The following ADGRB3 variants were observed in gnomAD, a reference collection of about 807,000 sequenced individuals.
ADGRB3 encodes the protein adhesion G protein-coupled receptor B3.
A neutral mutation model predicts 193.4 loss-of-function variants in ADGRB3; 37 were observed. The ratio of observed to expected loss-of-function variants is 0.19; its 90% CI spans 0.15 to 0.25. ADGRB3 has a LOEUF of 0.25. Among genes scored for constraint, ADGRB3 ranks in the 10% least tolerant of loss-of-function variants. The pLI, the probability that ADGRB3 is intolerant of heterozygous loss-of-function variation, is 1.00. For synonymous variants in ADGRB3, 690 were observed against 644.2 expected (o/e 1.07, Z -1.08); for missense variants, 1,637 against 1,852.9 (o/e 0.88, Z 2.14).
At chr6:68,804,866 A>G (rs780871754) in intron 3 of ADGRB3, among the ~76,000 whole-genome samples, 3 of 151,950 alleles carry the variant, frequency 2.0e-5, no homozygotes, top group Non-Finnish European at 2.9e-5. Flanking sequence ...CCATTTTTTC[A>G]TATTTCATGG....
intron 3 of ADGRB3, among the ~76,000 whole-genome samples, chr6:68,697,158 A>G (rs1010971989): frequency 6.6e-6 from 1 of 152,020 alleles, no homozygotes; most frequent in South Asian, 2.1e-4. Flanking sequence ...AATAAGTTTT[A>G]CACTGTTCTC....
At chr6:69,013,909 T>A (rs1770014531) in intron 11 of ADGRB3, 129 bp from the exon 12 acceptor site, 1 of 484,398 alleles carries the variant, frequency 2.1e-6, no homozygotes, top group Non-Finnish European at 3.7e-6. Flanking sequence ...TCTAGAATAC[T>A]ATGTTAGGGT....
intron 3 of ADGRB3, among the ~76,000 whole-genome samples, chr6:68,803,560 A>C (rs1767350230): frequency 6.6e-6 from 1 of 152,024 alleles, no homozygotes. Context: ...TTCCCTTCCC[A>C]ATCTAGACTT....
intron 16 of ADGRB3, among the ~76,000 whole-genome samples, chr6:69,065,866 A>G (rs2150309136): frequency 6.6e-6 from 1 of 152,036 alleles, no homozygotes. Flanking sequence ...CAGATCAAAA[A>G]TATTTGGAAA....
Position 69,061,094 on chromosome 6 carries a change from C to T in ADGRB3, c.2334-1840C>T, listed in dbSNP as rs540663218. Among the ~76,000 whole-genome samples, 9 of 151,686 alleles carry T rather than the reference C, an allele frequency of 5.9e-5. No homozygotes were observed. In the South Asian group the frequency reaches 1.2e-3, roughly 21 times the overall value. Reference sequence around the variant, plus strand: ...ATGAAAAAAAAAAAAGACTGTTAACCAGCTCTCTCTGTCTGCAACAATCTT... The same window carrying T: ...ATGAAAAAAAAAAAAGACTGTTAACTAGCTCTCTCTGTCTGCAACAATCTT... On this transcript the variant is annotated intron_variant, in intron 15 of 31. Transcript: ENST00000370598.
chr6:69,295,161 T>A (rs1295682380), intron 20 of ADGRB3, among the ~76,000 whole-genome samples: 2 of 152,168 alleles, frequency 1.3e-5, no homozygotes, highest in Non-Finnish European at 2.9e-5. Context: ...ATTATCCGTG[T>A]CAGTAGATTC....
intron 3 of ADGRB3, among the ~76,000 whole-genome samples, chr6:68,721,514 A>G (rs1027628594): frequency 2.0e-5 from 3 of 151,570 alleles, no homozygotes; most frequent in Non-Finnish European, 4.4e-5. Flanking sequence ...ATTAGGAGAT[A>G]TACCTAATGT....
At chr6:68,844,601 T>C (rs1010866417) in intron 3 of ADGRB3, among the ~76,000 whole-genome samples, 1 of 151,986 alleles carries the variant, frequency 6.6e-6, no homozygotes, top group African/African-American at 2.4e-5. Flanking sequence ...TCTAAAATAA[T>C]AGAAGTACCC....
chr6:69,075,416 G>GT (rs1324454153), intron 16 of ADGRB3, among the ~76,000 whole-genome samples: 4 of 152,126 alleles, frequency 2.6e-5, no homozygotes, highest in Non-Finnish European at 5.9e-5. Flanking sequence ...AATTATTGAA[G>GT]TAAATTTAAA....
intron 3 of ADGRB3, among the ~76,000 whole-genome samples, chr6:68,895,874 A>G (rs913023412): frequency 2.6e-5 from 4 of 152,078 alleles, no homozygotes; most frequent in African/African-American, 4.8e-5. Context: ...ACAAAAACAT[A>G]TAAAATATCA....
intron 17 of ADGRB3, among the ~76,000 whole-genome samples, chr6:69,209,027 A>G (rs768862260): frequency 6.6e-6 from 1 of 152,188 alleles, no homozygotes; most frequent in African/African-American, 2.4e-5. Context: ...CCAAAATCCT[A>G]GAGGCCTCCA....
chr6:68,730,398 C>T (rs1455913588), intron 3 of ADGRB3, among the ~76,000 whole-genome samples: 1 of 151,466 alleles, frequency 6.6e-6, no homozygotes, highest in Non-Finnish European at 1.5e-5. Context: ...AAACCTCATT[C>T]CTTCAGAAAT....
At chr6:69,145,623 A>G (rs958607256) in intron 17 of ADGRB3, among the ~76,000 whole-genome samples, 3 of 152,180 alleles carry the variant, frequency 2.0e-5, no homozygotes, top group African/African-American at 7.2e-5. Flanking sequence ...AGAATGAGAT[A>G]TGTAGAGAAG....
chr6:68,953,816 T>C (rs1330588671), intron 6 of ADGRB3, among the ~76,000 whole-genome samples: 3 of 152,212 alleles, frequency 2.0e-5, no homozygotes, highest in Non-Finnish European at 4.4e-5. Context: ...AAAGTACTTA[T>C]TATATTCTGC....
At chr6:68,920,753 A>G (rs978835503) in intron 3 of ADGRB3, among the ~76,000 whole-genome samples, 25 of 152,094 alleles carry the variant, frequency 1.6e-4, no homozygotes, top group African/African-American at 5.8e-4. Flanking sequence ...TATTGAACAA[A>G]ATGATAAATG....
chr6:68,989,694 G>C (rs1368665872), intron 10 of ADGRB3, among the ~76,000 whole-genome samples: 1 of 152,096 alleles, frequency 6.6e-6, no homozygotes, highest in East Asian at 1.9e-4. Flanking sequence ...GTAATAAGTA[G>C]TAGAACCACA....
intron 20 of ADGRB3, among the ~76,000 whole-genome samples, chr6:69,274,842 A>G (rs958793874): frequency 1.3e-5 from 2 of 152,106 alleles, no homozygotes; most frequent in African/African-American, 4.8e-5. Context: ...TCTGTGCAGA[A>G]CGGCAATAAA....
At chr6:69,097,694 A>ATG (rs1772921929) in intron 17 of ADGRB3, among the ~76,000 whole-genome samples, 1 of 148,188 alleles carries the variant, frequency 6.7e-6, no homozygotes, top group Non-Finnish European at 1.5e-5. Flanking sequence ...GTGTGTGTAT[A>ATG]TATGTGTGTG....
intron 6 of ADGRB3, among the ~76,000 whole-genome samples, chr6:68,947,522 T>G (rs1414189207): frequency 2.0e-5 from 3 of 152,186 alleles, no homozygotes; most frequent in Non-Finnish European, 4.4e-5. Context: ...TCCAAATTTC[T>G]AATATCCCAA....
Sources: allele counts gnomAD v4.1 joint callset (sites outside exome capture counted in the v4.1 genomes callset), GRCh38; gene constraint gnomAD v4.1.1; transcripts MANE v1.5; gene names NCBI Gene and HGNC (gene_info 2026-07-23, HGNC 2026-07-21).